Variants in ACVR2A observed in about 807,000 individuals in gnomAD.
The protein encoded by ACVR2A is activin A receptor type 2A.
In ACVR2A, 7 loss-of-function variants were observed where a neutral mutation model predicts 61.4. That is an observed-to-expected ratio of 0.11 (90% CI 0.06 to 0.21). ACVR2A has a LOEUF of 0.21. Ranked by LOEUF, ACVR2A falls within the 10% of genes least tolerant of loss-of-function variation. ACVR2A has a pLI of 1.00. For synonymous variants in ACVR2A, 193 were observed against 208.3 expected (o/e 0.93, Z 0.63); for missense variants, 322 against 621.7 (o/e 0.52, Z 5.13).
chr2:147,926,189 G>A, intron 10 of ACVR2A, 28 bp downstream of exon 10: 1 of 1,591,110 alleles, frequency 6.3e-7, no homozygotes, highest in Non-Finnish European at 8.5e-7. Context: ...CTTTTCATTT[G>A]AAATTCCAAT....
chr2:147,928,253 CTCT>C lies in ACVR2A; in HGVS notation c.*982_*984del, dbSNP rs1687553717. 1.3e-5 allele frequency: 2 copies of C among 152,304 alleles called. No homozygotes were observed. Among genetic ancestry groups the C allele is most frequent in the African/African-American group, 4.8e-5 (2 of 41,378 alleles). The allele number at this position is 152,304 out of a possible 1,614,324, so 9.4% of individuals were successfully genotyped here. A position where few individuals can be genotyped will look rare whatever the true frequency, so the allele number is the denominator to read the frequency against. On this transcript the variant is annotated 3_prime_UTR_variant, in exon 11 of 11. Transcript: ENST00000241416. ...TAAAGTGAGCTGTGACACTGGAAAG[CTCT>C]TCATTTTATCTTTTAAAATAGAGTT...
In ACVR2A at chr2:147,927,063, T is replaced by C. The variant is rs750699051; in HGVS notation, c.1348-17T>C. 1.2e-6 allele frequency: 2 copies of C among 1,606,336 alleles called. No individual in the cohort carries two copies. The highest frequency in any genetic ancestry group is 1.1e-5 in the South Asian group (1 of 89,702). On this transcript the variant is annotated splice_polypyrimidine_tract_variant and intron_variant, in intron 10 of 10. Coordinates refer to ENST00000241416, the MANE Select transcript of ACVR2A (RefSeq NM_001616.5). ...AAAACTGCTGTGGCGTTTGAGTATA[T>C]GTTTTTCTCCTTTTAGGGAATGGCA...
intron 4 of ACVR2A, 39 bp from the exon 5 acceptor site, chr2:147,915,152 G>A: frequency 6.3e-7 from 1 of 1,599,420 alleles, no homozygotes; most frequent in Non-Finnish European, 8.5e-7. Context: ...TGTGTGTCAT[G>A]TTCTGCTTAT....
At chr2:147,887,684 A>G (rs1025208766) in intron 1 of ACVR2A, among the ~76,000 whole-genome samples, 2 of 152,206 alleles carry the variant, frequency 1.3e-5, no homozygotes, top group Admixed American at 1.3e-4. Flanking sequence ...GCTAAATCAA[A>G]CAAATTAACA....
intron 1 of ACVR2A, among the ~76,000 whole-genome samples, chr2:147,873,750 G>A (rs1686085778): frequency 6.6e-6 from 1 of 151,966 alleles, no homozygotes; most frequent in Non-Finnish European, 1.5e-5. Flanking sequence ...AATGAAAATA[G>A]GAAACGGCAG....
intron 5 of ACVR2A, among the ~76,000 whole-genome samples, chr2:147,915,873 A>G (rs1687236604): frequency 2.0e-5 from 3 of 151,874 alleles, no homozygotes; most frequent in Admixed American, 2.0e-4. Context: ...GACTTCTCAT[A>G]AAACTCTGAT....
intron 1 of ACVR2A, among the ~76,000 whole-genome samples, chr2:147,876,065 T>C (rs562412185): frequency 6.6e-6 from 1 of 152,224 alleles, no homozygotes; most frequent in South Asian, 2.1e-4. Context: ...TAAGAAAAAC[T>C]ATTGAGCTTT....
rs1687542482 is a variant in ACVR2A at position 147,927,905 on chromosome 2, T to TAAC, written c.*634_*636dup. ...TGCTAAATTATAAAATTGAAAACACTAACAAAATTTGAATAATAAATCGAT... is the reference window on the plus strand; with the variant it reads ...TGCTAAATTATAAAATTGAAAACACTAACAACAAAATTTGAATAATAAATCGAT... On this transcript the variant is annotated 3_prime_UTR_variant, in exon 11 of 11. Transcript: ENST00000241416. 1 of 152,288 alleles carries TAAC rather than the reference T, an allele frequency of 6.6e-6. No homozygotes were observed. Among genetic ancestry groups the TAAC allele is most frequent in the African/African-American group, 2.4e-5 (1 of 41,404 alleles). The allele number at this position is 152,288 out of a possible 1,614,324, so 9.4% of individuals were successfully genotyped here. A position where few individuals can be genotyped will look rare whatever the true frequency, so the allele number is the denominator to read the frequency against.
chr2:147,896,773 A>G (rs993607367), intron 2 of ACVR2A: 5 of 304,802 alleles, frequency 1.6e-5, no homozygotes, highest in African/African-American at 1.1e-4. Flanking sequence ...TTTCCCCAAT[A>G]TTGTTACGAT....
At chr2:147,864,711 A>G (rs1685810498) in intron 1 of ACVR2A, among the ~76,000 whole-genome samples, 1 of 152,180 alleles carries the variant, frequency 6.6e-6, no homozygotes, top group Admixed American at 6.5e-5. Flanking sequence ...AAGGGATGGA[A>G]TTTATAGAAA....
chr2:147,849,960 A>G (rs1206579781), intron 1 of ACVR2A, among the ~76,000 whole-genome samples: 1 of 152,090 alleles, frequency 6.6e-6, no homozygotes, highest in Non-Finnish European at 1.5e-5. Context: ...TGATTTTCTC[A>G]TCTTTGATAT....
intron 4 of ACVR2A, among the ~76,000 whole-genome samples, chr2:147,902,173 G>A (rs1040752770): frequency 5.9e-5 from 9 of 151,896 alleles, no homozygotes; most frequent in Admixed American, 1.3e-4. Flanking sequence ...ACTCCTGAAA[G>A]TATGGAATGG....
chr2:147,874,201 A>G (rs1686097280), intron 1 of ACVR2A, among the ~76,000 whole-genome samples: 1 of 151,896 alleles, frequency 6.6e-6, no homozygotes, highest in Non-Finnish European at 1.5e-5. Context: ...ACTTAACTTT[A>G]ATCCAGTCTT....
chr2:147,912,605 A>G (rs1477086111), intron 4 of ACVR2A, among the ~76,000 whole-genome samples: 2 of 151,960 alleles, frequency 1.3e-5, no homozygotes, highest in African/African-American at 4.8e-5. Context: ...TGAATAAATT[A>G]CTATAATGAT....
At chr2:147,844,851 C>T (rs1216752518), upstream of ACVR2A, 4 of 294,790 alleles carry the variant, frequency 1.4e-5, no homozygotes, top group Non-Finnish European at 2.4e-5. Context: ...GTGATTTTGA[C>T]AGTGATTTAA....
chr2:147,913,520 G>T (rs772566881), intron 4 of ACVR2A, among the ~76,000 whole-genome samples: 7 of 151,862 alleles, frequency 4.6e-5, no homozygotes, highest in Non-Finnish European at 1.0e-4. Context: ...GGACTGAATG[G>T]TTTCCTTTCC....
intron 5 of ACVR2A, among the ~76,000 whole-genome samples, chr2:147,916,834 A>C (rs1036036169): frequency 3.3e-5 from 5 of 151,818 alleles, no homozygotes; most frequent in African/African-American, 1.2e-4. Flanking sequence ...ACATTTTTTG[A>C]AGGATGTTTG....
upstream of ACVR2A, chr2:147,844,618 C>T: frequency 6.4e-6 from 1 of 155,096 alleles, no homozygotes; most frequent in East Asian, 1.9e-4. Context: ...TGCCGCCCGC[C>T]GCCCCTTCCC....
At chr2:147,919,755 A>G (rs568216264) in intron 7 of ACVR2A, among the ~76,000 whole-genome samples, 3 of 152,304 alleles carry the variant, frequency 2.0e-5, no homozygotes, top group South Asian at 2.1e-4. Context: ...TTCTACAACC[A>G]GGTGGAAGAA....
Sources: allele counts gnomAD v4.1 joint callset (sites outside exome capture counted in the v4.1 genomes callset), GRCh38; gene constraint gnomAD v4.1.1; transcripts MANE v1.5; gene names NCBI Gene and HGNC (gene_info 2026-07-23, HGNC 2026-07-21).